The following CSNK2A1 variants were observed in gnomAD, a reference collection of about 807,000 sequenced individuals.
CSNK2A1 encodes casein kinase 2 alpha 1.
Under a neutral mutation model 62.9 loss-of-function variants are expected in CSNK2A1, and 10 were observed. The observed-to-expected ratio is 0.16, with a 90% CI of 0.10 to 0.27. The LOEUF (loss-of-function observed/expected upper bound fraction) is 0.27. Among genes scored for constraint, CSNK2A1 ranks in the 10% least tolerant of loss-of-function variants. The pLI, the probability that CSNK2A1 is intolerant of heterozygous loss-of-function variation, is 1.00. For synonymous variants in CSNK2A1, 124 were observed against 167.8 expected (o/e 0.74, Z 2.02); for missense variants, 160 against 492.0 (o/e 0.33, Z 6.38).
At chr20:487,843 C>T (rs543095046) in intron 11 of CSNK2A1, 3 of 475,288 alleles carry the variant, frequency 6.3e-6, no homozygotes, top group African/African-American at 5.8e-5. Flanking sequence ...GACGTGACCG[C>T]TTCTGTGTAG....
At position 499,409 on chromosome 20, in the gene CSNK2A1, C is replaced by T. The variant is rs1036631193; in HGVS notation, c.316-104G>A. On this transcript the variant is annotated intron_variant, in intron 5 of 13. Transcript: ENST00000217244. This position sits in a 1 kb window ranked among gnomAD's most constrained non-coding sequence, Gnocchi z 4.2. Reference sequence around the variant, plus strand: ...CTGCGTGGTGAAATTTGGCAGTCCTCGCCTCAGTAGTAAGAAACCCTCTAT... The same window carrying T: ...CTGCGTGGTGAAATTTGGCAGTCCTTGCCTCAGTAGTAAGAAACCCTCTAT... The T allele has an allele frequency of 8.6e-6, 9 of 1,041,142 alleles. No individual in the cohort carries two copies. The highest frequency in any genetic ancestry group is 4.8e-5 in the African/African-American group (3 of 62,808). The allele number at this position is 1,041,142 out of a possible 1,614,324, so 64.5% of individuals were successfully genotyped here. A position where few individuals can be genotyped will look rare whatever the true frequency, so the allele number is the denominator to read the frequency against.
chr20:511,728 A>ACC lies in CSNK2A1; in HGVS notation c.-109-3069_-109-3068insGG, dbSNP rs1555766294. 1.4e-3 allele frequency among the ~76,000 whole-genome samples: 198 copies of ACC among 144,464 alleles called. 1 individual carries two copies. The East Asian group carries it at 0.027, about 20-fold the overall frequency. The allele number at this position is 144,464 out of a possible 152,430, so 94.8% of individuals were successfully genotyped here. A position where few individuals can be genotyped will look rare whatever the true frequency, so the allele number is the denominator to read the frequency against. Reference sequence around the variant, plus strand: ...TACACACACACACACACACACACACACACCACATTTTGCTTATCCATTTAT... The same window carrying ACC: ...TACACACACACACACACACACACACACCCACCACATTTTGCTTATCCATTTAT... On this transcript the variant is annotated intron_variant, in intron 2 of 13. Transcript: ENST00000217244.
At chr20:538,694 T>C (rs922024549) in intron 1 of CSNK2A1, among the ~76,000 whole-genome samples, 3 of 152,128 alleles carry the variant, frequency 2.0e-5, no homozygotes, top group Non-Finnish European at 2.9e-5. Flanking sequence ...TGAGCTGAGC[T>C]GGGGTGGGGT....
At chr20:489,744 G>T in intron 10 of CSNK2A1, 36 bp downstream of exon 10, 1 of 1,553,466 alleles carries the variant, frequency 6.4e-7, no homozygotes, top group Non-Finnish European at 8.8e-7. Context: ...ATTGCATTAG[G>T]CCAGTACATT....
rs1366228762 is a variant in CSNK2A1, at chr20:475,907, A to C, written c.*8054T>G. ...GAGGTGTCCAGCCCAGCCGACCCAC[A>C]ACCTGAAAAACAGCTGCTTGGGCTG... is the stretch of plus-strand genomic sequence containing the variant. On this transcript the variant is annotated 3_prime_UTR_variant, in exon 14 of 14. Coordinates refer to ENST00000217244, the MANE Select transcript of CSNK2A1 (RefSeq NM_177559.3). 2.6e-5 allele frequency: 4 copies of C among 152,262 alleles called. No homozygotes were observed. The allele number at this position is 152,262 out of a possible 1,614,324, so 9.4% of individuals were successfully genotyped here.
chr20:515,059 A>T (rs2018799753), intron 2 of CSNK2A1, among the ~76,000 whole-genome samples: 1 of 152,224 alleles, frequency 6.6e-6, no homozygotes, highest in African/African-American at 2.4e-5. Flanking sequence ...AAAGTGACCC[A>T]TACATATTGT....
At chr20:497,822 G>A (rs1281702006) in intron 6 of CSNK2A1, 42 bp from the exon 7 acceptor site, 2 of 1,575,710 alleles carry the variant, frequency 1.3e-6, no homozygotes, top group South Asian at 1.1e-5. Flanking sequence ...AATGCTGACA[G>A]AAAGGCATTT....
chr20:522,983 C>T (rs1436543335), intron 2 of CSNK2A1, among the ~76,000 whole-genome samples: 1 of 152,134 alleles, frequency 6.6e-6, no homozygotes. Flanking sequence ...GGCCCAGTTT[C>T]TTAGTGTTGA....
chr20:511,768 T>C (rs898094390), intron 2 of CSNK2A1, among the ~76,000 whole-genome samples: 2 of 152,124 alleles, frequency 1.3e-5, no homozygotes, highest in African/African-American at 4.8e-5. Flanking sequence ...TGATGGACAC[T>C]TGAGTTGCTT....
At chr20:506,097 C>T (rs205880) in intron 3 of CSNK2A1, 90,190 of 151,628 alleles carry the variant, frequency 0.59, 27,303 homozygotes, top group East Asian at 0.89. Flanking sequence ...AGGATGGTCT[C>T]GATCTCCTGA....
intron 1 of CSNK2A1, among the ~76,000 whole-genome samples, chr20:536,456 GTAC>G (rs1232013512): frequency 6.6e-6 from 1 of 152,130 alleles, no homozygotes; most frequent in African/African-American, 2.4e-5. Context: ...CCTGAGGTAG[GTAC>G]TACTAATTCC....
chr20:489,975 C>T, intron 9 of CSNK2A1, 94 bp from the exon 10 acceptor site: 1 of 944,440 alleles, frequency 1.1e-6, no homozygotes, highest in South Asian at 2.5e-5. Flanking sequence ...AAAAAAATCA[C>T]TCCACTGACT....
intron 3 of CSNK2A1, chr20:507,808 GC>G (rs1568531425): frequency 6.6e-6 from 1 of 152,184 alleles, no homozygotes; most frequent in Non-Finnish European, 1.5e-5. Flanking sequence ...GATCTGCAAT[GC>G]CCTTGGCTTG....
chr20:498,544 CA>C (rs1361844114), intron 6 of CSNK2A1: 1 of 152,066 alleles, frequency 6.6e-6, no homozygotes, highest in Admixed American at 6.6e-5. Flanking sequence ...CGTCTTCTGA[CA>C]AAGTTTTTCT....
At chr20:505,341 T>C in intron 3 of CSNK2A1, 112 bp from the exon 4 acceptor site, 2 of 549,600 alleles carry the variant, frequency 3.6e-6, no homozygotes, top group Non-Finnish European at 3.1e-6. Flanking sequence ...TTCAAACAAT[T>C]CCCAAATAGG....
intron 2 of CSNK2A1, chr20:527,001 C>CAGACAGACAGAGAGAGAGAGAGAG (rs1197678638): frequency 3.1e-5 from 3 of 97,898 alleles, no homozygotes; most frequent in African/African-American, 1.2e-4. Flanking sequence ...GAGAGACAGA[C>CAGACAGACAGAGAGAGAGAGAGAG]AGAGAGAGAG....
chr20:486,288 G>C (rs2018096120), intron 13 of CSNK2A1, 88 bp downstream of exon 13: 1 of 1,484,944 alleles, frequency 6.7e-7, no homozygotes, highest in Admixed American at 1.8e-5. Context: ...GTACGGAGAA[G>C]AGAAGGTATA....
chr20:492,146 T>C (rs2018248786), intron 9 of CSNK2A1, 108 bp downstream of exon 9: 1 of 762,716 alleles, frequency 1.3e-6, no homozygotes, highest in East Asian at 2.6e-5. Context: ...GCTGTGAATG[T>C]GCATTAAGTG....
chr20:518,503 C>T (rs1483833367), intron 2 of CSNK2A1, among the ~76,000 whole-genome samples: 1 of 152,152 alleles, frequency 6.6e-6, no homozygotes, highest in African/African-American at 2.4e-5. Context: ...AAGTACCTTA[C>T]TGTGGGCCTC....
Sources: allele counts gnomAD v4.1 joint callset (sites outside exome capture counted in the v4.1 genomes callset), GRCh38; gene constraint gnomAD v4.1.1; non-coding constraint Gnocchi (gnomAD v3.1); transcripts MANE v1.5; gene names NCBI Gene and HGNC (gene_info 2026-07-23, HGNC 2026-07-21).